Variants in SNX29 observed in about 807,000 individuals in gnomAD.
The protein encoded by SNX29 is sorting nexin 29.
SNX29 carries 78 observed loss-of-function variants against 102.1 expected under a neutral mutation model. The observed-to-expected ratio is 0.76, with a 90% confidence interval of 0.64 to 0.92. The LOEUF is 0.92. Ranked by LOEUF, SNX29 falls within the 40% of genes least tolerant of loss-of-function variation. The pLI is 0.00. For synonymous variants in SNX29, 580 were observed against 414.5 expected, an observed-to-expected ratio of 1.40 and a Z score of -4.85; for missense variants, 1,280 against 1,061.7, an observed-to-expected ratio of 1.21 and a Z score of -2.86.
chr16:12,368,359 G>A (rs532073690), intron 16 of SNX29, among the ~76,000 whole-genome samples: 1 of 152,202 alleles, frequency 6.6e-6, no homozygotes, highest in African/African-American at 2.4e-5. Context: ...CATTGGCAAG[G>A]TGCAAAATAA....
At chr16:12,347,912 T>G (rs1334162807) in intron 15 of SNX29, among the ~76,000 whole-genome samples, 1 of 68,782 alleles carries the variant, frequency 1.5e-5, no homozygotes, top group Admixed American at 1.4e-4. Flanking sequence ...ATCCTGTCTT[T>G]ACAAAAAAAA....
chr16:12,544,180 T>C (rs2077477467), intron 20 of SNX29, among the ~76,000 whole-genome samples: 1 of 152,140 alleles, frequency 6.6e-6, no homozygotes, highest in African/African-American at 2.4e-5. Flanking sequence ...GAATCGGTGG[T>C]GTGCACATCA....
chr16:12,160,807 T>C (rs2055751444), intron 13 of SNX29, among the ~76,000 whole-genome samples: 2 of 152,258 alleles, frequency 1.3e-5, no homozygotes, highest in African/African-American at 4.8e-5. Context: ...CGTAACTTCA[T>C]GGCAGAAGTG....
intron 13 of SNX29, among the ~76,000 whole-genome samples, chr16:12,184,763 C>T (rs1450492674): frequency 6.6e-6 from 1 of 152,222 alleles, no homozygotes; most frequent in East Asian, 1.9e-4. Context: ...ATCCCCAAGG[C>T]ATGGGCTGGA....
intron 16 of SNX29, among the ~76,000 whole-genome samples, chr16:12,397,472 C>G (rs2151489763): frequency 6.6e-6 from 1 of 152,254 alleles, no homozygotes; most frequent in Admixed American, 6.5e-5. Context: ...GTGAAGCTTG[C>G]TGGGGATTGT....
At chr16:12,014,230 G>C (rs2056773780) in intron 3 of SNX29, among the ~76,000 whole-genome samples, 1 of 152,056 alleles carries the variant, frequency 6.6e-6, no homozygotes, top group African/African-American at 2.4e-5. Context: ...ATTCACGCCT[G>C]CATCCAGGGG....
intron 11 of SNX29, 80 bp from the exon 12 acceptor site, chr16:12,126,553 G>C (rs997702371): frequency 1.4e-6 from 2 of 1,415,292 alleles, no homozygotes; most frequent in Admixed American, 3.7e-5. Flanking sequence ...ATCCTTAATA[G>C]CATATAATCC....
In SNX29 at chr16:12,572,992, T is replaced by G. The variant is rs2079220082; in HGVS notation, c.*4363T>G. 1 of 359,812 alleles carries G rather than the reference T, an allele frequency of 2.8e-6. No individual in the cohort carries two copies. The highest frequency in any genetic ancestry group is 2.1e-5 in the African/African-American group (1 of 47,500). 22.3% of individuals were successfully genotyped at this position (359,812 alleles called of 1,614,324 possible). On this transcript the variant is annotated 3_prime_UTR_variant, in exon 21 of 21. Transcript: ENST00000566228. ...TTCAAAATATTGTGCATTAATTCAT[T>G]AAAGCTACTGTTAAATATTTGCTGT... is the stretch of plus-strand genomic sequence containing the variant.
At chr16:11,992,613 A>T (rs1486012008) in intron 1 of SNX29, among the ~76,000 whole-genome samples, 1 of 152,098 alleles carries the variant, frequency 6.6e-6, no homozygotes, top group African/African-American at 2.4e-5. Context: ...CCCCACCAGG[A>T]TGACAGTGTG....
At chr16:12,548,288 G>A (rs1013660135) in intron 20 of SNX29, among the ~76,000 whole-genome samples, 3 of 152,166 alleles carry the variant, frequency 2.0e-5, no homozygotes, top group Admixed American at 2.0e-4. Flanking sequence ...GGGAAGGCTG[G>A]AAGCTACTGT....
intron 7 of SNX29, among the ~76,000 whole-genome samples, chr16:12,050,623 A>C (rs1209964857): frequency 6.6e-6 from 1 of 151,942 alleles, no homozygotes; most frequent in African/African-American, 2.4e-5. Flanking sequence ...GCTTCTTTAT[A>C]TATGGGGTCA....
intron 11 of SNX29, among the ~76,000 whole-genome samples, chr16:12,115,485 T>TTG (rs3222983): frequency 0.19 from 26,636 of 141,760 alleles, 2,469 homozygotes; most frequent in Admixed American, 0.27. Context: ...CCACCTTGAT[T>TTG]TGTGTGTGTG....
chr16:12,536,544 AATT>A (rs2077087083), intron 20 of SNX29, among the ~76,000 whole-genome samples: 2 of 152,164 alleles, frequency 1.3e-5, no homozygotes, highest in African/African-American at 4.8e-5. Flanking sequence ...AAATGGGACT[AATT>A]ATAGCCCCTA....
chr16:12,325,147 G>A (rs182240875), intron 15 of SNX29, among the ~76,000 whole-genome samples: 6 of 152,088 alleles, frequency 3.9e-5, no homozygotes, highest in Non-Finnish European at 7.4e-5. Context: ...ACTTCTGCAG[G>A]CCCCTCCCTA....
In SNX29 at chr16:12,129,622, C is replaced by T. The variant is rs1275285101; in HGVS notation, c.1467-8C>T. ...AGCTTCTGAACAGATGGGTCCCTCT[C>T]TTCCCAGATCACTGCGAAACCTGCT... On this transcript the variant is annotated splice_polypyrimidine_tract_variant and splice_region_variant and intron_variant, in intron 12 of 20. Coordinates refer to ENST00000566228, the MANE Select transcript of SNX29 (RefSeq NM_032167.5). The T allele has an allele frequency of 1.9e-6, 3 of 1,605,728 alleles. No individual in the cohort carries two copies. Among genetic ancestry groups the T allele is most frequent in the Non-Finnish European group, 2.6e-6 (3 of 1,176,192 alleles).
intron 15 of SNX29, among the ~76,000 whole-genome samples, chr16:12,279,759 T>C (rs925094508): frequency 6.6e-6 from 1 of 152,228 alleles, no homozygotes; most frequent in South Asian, 2.1e-4. Flanking sequence ...AACCCTTGAA[T>C]TTTTAAGTTC....
At chr16:12,045,985 C>T (rs576663670) in intron 5 of SNX29, among the ~76,000 whole-genome samples, 1 of 152,210 alleles carries the variant, frequency 6.6e-6, no homozygotes, top group South Asian at 2.1e-4. Flanking sequence ...TAATTTCTGT[C>T]TGAAATGGTC....
chr16:12,279,925 G>A (rs952965915), intron 15 of SNX29, among the ~76,000 whole-genome samples: 3 of 152,208 alleles, frequency 2.0e-5, no homozygotes, highest in Non-Finnish European at 4.4e-5. Context: ...TCAGACCAGT[G>A]CAGCTCAGTG....
intron 15 of SNX29, among the ~76,000 whole-genome samples, chr16:12,283,307 A>T (rs1376002131): frequency 6.7e-6 from 1 of 149,664 alleles, no homozygotes; most frequent in Non-Finnish European, 1.5e-5. Flanking sequence ...CCCTAGATGG[A>T]GTTGTTTTTT....
Sources: allele counts gnomAD v4.1 joint callset (sites outside exome capture counted in the v4.1 genomes callset), GRCh38; gene constraint gnomAD v4.1.1; transcripts MANE v1.5; gene names NCBI Gene and HGNC (gene_info 2026-07-23, HGNC 2026-07-21).